AP2A2: variants seen among roughly 807,000 people sequenced by gnomAD.
AP2A2 encodes adaptor related protein complex 2 subunit alpha 2, also known as AP-2 complex subunit alpha-2.
In AP2A2, 32 loss-of-function variants were observed where a neutral mutation model predicts 104.2. The observed-to-expected ratio is 0.31, with a 90% CI of 0.23 to 0.41. The LOEUF (loss-of-function observed/expected upper bound fraction) is 0.41. Among genes scored for constraint, AP2A2 ranks in the 10% least tolerant of loss-of-function variants. The probability of loss-of-function intolerance (pLI) is 1.00; values close to 1 mark genes in which losing one functional copy is unlikely to be tolerated. For synonymous variants in AP2A2, 539 were observed against 533.3 expected (o/e 1.01, Z -0.15); for missense variants, 912 against 1,261.0 (o/e 0.72, Z 4.19).
chr11:1,000,855 G>A (rs1023179079), intron 15 of AP2A2, among the ~76,000 whole-genome samples: 2 of 152,232 alleles, frequency 1.3e-5, no homozygotes, highest in Non-Finnish European at 1.5e-5. Flanking sequence ...CACTGTCTGG[G>A]TGGTGGTTGT....
At chr11:994,325 T>G in intron 14 of AP2A2, 80 bp downstream of exon 14, 1 of 1,550,582 alleles carries the variant, frequency 6.4e-7, no homozygotes, top group African/African-American at 1.4e-5. Flanking sequence ...CATTTGCCTG[T>G]CAGGGAGGAG....
chr11:953,495 TC>T (rs1854120177), intron 1 of AP2A2, among the ~76,000 whole-genome samples: 2 of 152,004 alleles, frequency 1.3e-5, no homozygotes, highest in Admixed American at 1.3e-4. Flanking sequence ...AAATTAGTTT[TC>T]CTGAACTGTC....
In AP2A2 at chr11:993,998, C is replaced by A. The variant is rs372906216; in HGVS notation, c.1782+13C>A. 51 of 1,609,530 alleles carry A rather than the reference C, an allele frequency of 3.2e-5. No homozygotes were observed. The African/African-American group carries it at 3.3e-4, about 11-fold the overall frequency. ...CACCGACATTCTGGTAGGAGGCCCC[C>A]GCCCTTCGGGCTGGCTTGGCTGAGG... is the stretch of plus-strand genomic sequence containing the variant. On this transcript the variant is annotated intron_variant, in intron 13 of 21. Coordinates refer to ENST00000448903, the MANE Select transcript of AP2A2 (RefSeq NM_012305.4). The surrounding 1 kb of genome is among the most constrained non-coding windows in gnomAD (Gnocchi z 8.2).
At chr11:966,427 G>A (rs1032017089) in intron 2 of AP2A2, among the ~76,000 whole-genome samples, 1 of 152,220 alleles carries the variant, frequency 6.6e-6, no homozygotes, top group African/African-American at 2.4e-5. Flanking sequence ...GAGCCTAGGA[G>A]GTTGAGGCTG....
At position 987,421 on chromosome 11, in the gene AP2A2, G is replaced by A. The variant is rs559273861; in HGVS notation, c.1131+468G>A. On this transcript the variant is annotated intron_variant, in intron 9 of 21. Coordinates refer to ENST00000448903, the MANE Select transcript of AP2A2 (RefSeq NM_012305.4). ...TCCCAGCACTTTGGGAGGCCGAGGC[G>A]GGTGGATCACAAGGTCAGGAGATCG... Among the ~76,000 whole-genome samples the A allele has an allele frequency of 2.0e-4, 31 of 152,204 alleles. No homozygotes were observed. The South Asian group carries it at 5.6e-3, about 28-fold the overall frequency.
At chr11:957,198 C>T (rs1032677160) in intron 1 of AP2A2, among the ~76,000 whole-genome samples, 6 of 152,186 alleles carry the variant, frequency 3.9e-5, no homozygotes, top group South Asian at 2.1e-4. Flanking sequence ...GTGCAGGTGA[C>T]GTGATGCGTA....
chr11:963,863 A>C (rs7396700), intron 2 of AP2A2, among the ~76,000 whole-genome samples: 76,948 of 152,012 alleles, frequency 0.51, 20,090 homozygotes, highest in Middle Eastern at 0.66. Context: ...TGGGCTCAAG[A>C]GATCGGTCTG....
rs1327325384 is a variant in AP2A2 at position 992,512 on chromosome 11, G to C, written c.1279G>C (p.Val427Leu). 5 of 1,591,286 alleles carry C rather than the reference G, an allele frequency of 3.1e-6. No homozygotes were observed. The Admixed American group carries it at 5.4e-5, about 17-fold the overall frequency. ...YSIREEIVLK[V>L]AILAEKYAVD... ...AGCCTGTCCCCCACAGGTGCTGAAG[G>C]TCGCCATCCTGGCTGAGAAGTACGC... is the stretch of plus-strand genomic sequence containing the variant. Residue 427 changes from valine to leucine, a missense_variant, in exon 11 of 22, where the codon GTC (valine) becomes CTC (leucine). Physicochemically the swap from Val to Leu is conservative, Grantham distance 32. Transcript: ENST00000448903. This position sits in a 1 kb window ranked among gnomAD's most constrained non-coding sequence, Gnocchi z 6.4.
chr11:988,439 T>C, intron 9 of AP2A2, 113 bp from the exon 10 acceptor site: 1 of 1,354,206 alleles, frequency 7.4e-7, no homozygotes, highest in Non-Finnish European at 1.0e-6. Context: ...TGGATGTGCA[T>C]GTGAGGGAAA....
In AP2A2 at chr11:959,349, G is replaced by T. The variant is rs1221716513; in HGVS notation, c.68-88G>T. On this transcript the variant is annotated intron_variant, in intron 1 of 21. Coordinates refer to ENST00000448903, the MANE Select transcript of AP2A2 (RefSeq NM_012305.4). ...CTTGAAACGGGGCCTCATCCCATTC[G>T]TGAGTTCTGAGTGTCAGTCTTATCA... is the stretch of plus-strand genomic sequence containing the variant. The T allele has an allele frequency of 5.5e-6, 5 of 914,030 alleles. No individual in the cohort carries two copies. The African/African-American group carries it at 6.7e-5, about 12-fold the overall frequency. The allele number at this position is 914,030 out of a possible 1,614,324, so 56.6% of individuals were successfully genotyped here. A position where few individuals can be genotyped will look rare whatever the true frequency, so the allele number is the denominator to read the frequency against.
chr11:1,010,531 T>C lies in AP2A2; in HGVS notation c.2743-17T>C, dbSNP rs756875162. On this transcript the variant is annotated splice_polypyrimidine_tract_variant and intron_variant, in intron 21 of 21. Transcript: ENST00000448903. ...AGCCTCGGCGTGCCCGTTGACCTGC[T>C]GTGCTCTCTGTTTCAGATGTACCGG... The C allele has an allele frequency of 2.3e-5, 37 of 1,575,976 alleles. No homozygotes were observed. In the South Asian group the frequency reaches 3.7e-4, roughly 16 times the overall value.
In AP2A2 at chr11:984,628, C is replaced by T. The variant is rs774495876; in HGVS notation, c.706-17C>T. The T allele has an allele frequency of 2.5e-6, 4 of 1,589,332 alleles. 1 individual carries two copies. The South Asian group carries it at 4.4e-5, about 18-fold the overall frequency. On this transcript the variant is annotated splice_polypyrimidine_tract_variant and intron_variant, in intron 6 of 21. Coordinates refer to ENST00000448903, the MANE Select transcript of AP2A2 (RefSeq NM_012305.4). ...TCGTGTCCGGCAGCGTGTCTCATTG[C>T]CTGTGCTGTCTTACAGATCGTGACG... is the stretch of plus-strand genomic sequence containing the variant.
intron 14 of AP2A2, among the ~76,000 whole-genome samples, chr11:996,886 G>C (rs916447952): frequency 2.6e-5 from 4 of 151,900 alleles, no homozygotes; most frequent in African/African-American, 9.7e-5. Context: ...GAGAGCTGTG[G>C]TGTGTGGGCG....
intron 2 of AP2A2, among the ~76,000 whole-genome samples, chr11:969,380 C>T (rs1218851350): frequency 1.3e-5 from 2 of 151,908 alleles, no homozygotes; most frequent in African/African-American, 4.8e-5. Context: ...CAGGCATGCA[C>T]CACCACGCCT....
intron 4 of AP2A2, among the ~76,000 whole-genome samples, chr11:973,093 A>ACACGGTG (rs1002256336): frequency 6.6e-6 from 1 of 152,234 alleles, no homozygotes; most frequent in Admixed American, 6.5e-5. Context: ...CCCCTCGCCC[A>ACACGGTG]CACGGTGCCA....
At chr11:934,326 T>C (rs2134458696) in intron 1 of AP2A2, among the ~76,000 whole-genome samples, 1 of 152,288 alleles carries the variant, frequency 6.6e-6, no homozygotes, top group South Asian at 2.1e-4. Context: ...GGTCTCACTA[T>C]GTTGCCCAGG....
In AP2A2 at chr11:992,525, C is replaced by G; in HGVS notation, c.1292C>G (p.Ala431Gly). 2 of 1,602,706 alleles carry G rather than the reference C, an allele frequency of 1.2e-6. No homozygotes were observed. The highest frequency in any genetic ancestry group is 1.7e-6 in the Non-Finnish European group (2 of 1,174,766). The change falls in exon 11 of 22, where the codon GCT (alanine) becomes GGT (glycine). Residue 431 changes from alanine to glycine, a missense_variant. Transcript: ENST00000448903. This position sits in a 1 kb window ranked among gnomAD's most constrained non-coding sequence, Gnocchi z 6.4. ...CAGGTGCTGAAGGTCGCCATCCTGG[C>G]TGAGAAGTACGCGGTGGACTACACC... ...EEIVLKVAILAEKYAVDYTWY... is the reference protein window; with the variant it reads ...EEIVLKVAILGEKYAVDYTWY...
At chr11:997,009 G>A (rs1306969509) in intron 14 of AP2A2, among the ~76,000 whole-genome samples, 1 of 151,986 alleles carries the variant, frequency 6.6e-6, no homozygotes, top group Non-Finnish European at 1.5e-5. Flanking sequence ...CATTGCTCAC[G>A]GGAGCCCCAG....
chr11:981,314 G>C lies in AP2A2; in HGVS notation c.705+15G>C, dbSNP rs1322854733. Reference sequence around the variant, plus strand: ...GGCTAAGCAGAGTAAGTCTGTTCGTGGGGGAGCAGAAGTCAGGGTGGGTTT... The same window carrying C: ...GGCTAAGCAGAGTAAGTCTGTTCGTCGGGGAGCAGAAGTCAGGGTGGGTTT... On this transcript the variant is annotated intron_variant, in intron 6 of 21. Coordinates refer to ENST00000448903, the MANE Select transcript of AP2A2 (RefSeq NM_012305.4). The C allele has an allele frequency of 6.3e-6, 10 of 1,579,466 alleles. No homozygotes were observed. The East Asian group carries it at 6.7e-5, about 11-fold the overall frequency.
Sources: allele counts gnomAD v4.1 joint callset (sites outside exome capture counted in the v4.1 genomes callset), GRCh38; gene constraint gnomAD v4.1.1; non-coding constraint Gnocchi (gnomAD v3.1); transcripts MANE v1.5; gene names NCBI Gene and HGNC (gene_info 2026-07-23, HGNC 2026-07-21).